The following MGA variants were observed in gnomAD, a reference collection of about 807,000 sequenced individuals.
The protein encoded by MGA is MAX dimerization protein MGA.
MGA carries 40 observed loss-of-function variants against 261.1 expected under a neutral mutation model. That is an observed-to-expected ratio of 0.15 (90% CI 0.12 to 0.20). MGA has a LOEUF of 0.20. Among genes scored for constraint, MGA ranks in the 10% least tolerant of loss-of-function variants. MGA has a pLI of 1.00. For missense variants in MGA, 3,397 were observed against 3,630.5 expected (o/e 0.94, Z 1.65); for synonymous variants, 1,302 against 1,290.6 (o/e 1.01, Z -0.19).
intron 2 of MGA, among the ~76,000 whole-genome samples, chr15:41,677,879 G>T (rs1326784367): frequency 6.6e-6 from 1 of 151,938 alleles, no homozygotes; most frequent in African/African-American, 2.4e-5. Flanking sequence ...TCTGTGGGTT[G>T]TCTTTTCATT....
chr15:41,705,718 A>C (rs191221233), intron 5 of MGA, among the ~76,000 whole-genome samples: 2 of 152,320 alleles, frequency 1.3e-5, no homozygotes, highest in Admixed American at 1.3e-4. Flanking sequence ...AGTGCAGTAG[A>C]TTCTCAAAGC....
chr15:41,720,630 G>C (rs1375327816), intron 9 of MGA, among the ~76,000 whole-genome samples: 2 of 152,000 alleles, frequency 1.3e-5, no homozygotes, highest in Non-Finnish European at 2.9e-5. Flanking sequence ...TCAGGAGTTC[G>C]AAACCAGCCT....
intron 20 of MGA, 126 bp downstream of exon 20, chr15:41,760,655 A>G: frequency 3.4e-6 from 3 of 876,400 alleles, no homozygotes; most frequent in Admixed American, 4.8e-5. Flanking sequence ...ACAGATGAAT[A>G]TGGACTAGTG....
At position 41,711,073 on chromosome 15, in the gene MGA, T is replaced by C. The variant is rs771789644; in HGVS notation, c.2808T>C (p.Asp936=). 3 of 1,613,940 alleles carry C rather than the reference T, an allele frequency of 1.9e-6. No individual in the cohort carries two copies. Among genetic ancestry groups the C allele is most frequent in the African/African-American group, 1.3e-5 (1 of 74,942 alleles). ...AATACTCTCATGTGATTCTAGGAGA[T>C]AAGGTTACCAAGAATTCTTCAGGCA... Residue 936 remains aspartate (D), a synonymous_variant, in exon 8 of 24, where the codon GAT becomes GAC. Transcript: ENST00000219905.
intron 1 of MGA, among the ~76,000 whole-genome samples, chr15:41,627,470 A>T (rs755956504): frequency 2.0e-5 from 3 of 152,118 alleles, no homozygotes; most frequent in Non-Finnish European, 4.4e-5. Context: ...TGCTTTTTTC[A>T]TCATTAGACT....
chr15:41,751,665 A>T (rs569779754), intron 17 of MGA: 1 of 152,808 alleles, frequency 6.5e-6, no homozygotes, highest in Admixed American at 6.5e-5. Context: ...CTGAGGTTGC[A>T]GTGAGCCCAG....
intron 2 of MGA, among the ~76,000 whole-genome samples, chr15:41,670,592 G>A (rs1191448699): frequency 2.0e-5 from 3 of 152,072 alleles, no homozygotes; most frequent in Non-Finnish European, 4.4e-5. Context: ...TGCAAGCTCC[G>A]CCTCCTGGGT....
chr15:41,659,291 G>C (rs2057281305), upstream of MGA, among the ~76,000 whole-genome samples: 2 of 152,210 alleles, frequency 1.3e-5, no homozygotes, highest in South Asian at 4.1e-4. Flanking sequence ...AAGTAGGTCA[G>C]ATCAGTAGTG....
intron 2 of MGA, among the ~76,000 whole-genome samples, chr15:41,685,600 G>T (rs1348189571): frequency 1.3e-5 from 2 of 152,096 alleles, no homozygotes; most frequent in Admixed American, 1.3e-4. Flanking sequence ...TTTAGATCTT[G>T]TTTAGTTTAT....
chr15:41,759,705 C>A (rs915956318), intron 19 of MGA, among the ~76,000 whole-genome samples: 1 of 151,948 alleles, frequency 6.6e-6, no homozygotes, highest in Non-Finnish European at 1.5e-5. Context: ...GAAGGACTTT[C>A]CTGAAAAAGT....
rs1454971437 is a variant in MGA at position 41,706,093 on chromosome 15, C to T, written c.2189-1635C>T. ...CTCTACTAAAAATACAAAAATTAGC[C>T]GGGCCTGGTGGCACACGCCTGTAAT... On this transcript the variant is annotated intron_variant, in intron 5 of 23. Coordinates refer to ENST00000219905, the MANE Select transcript of MGA (RefSeq NM_001164273.2). Among the ~76,000 whole-genome samples the T allele has an allele frequency of 5.3e-5, 8 of 151,862 alleles. No homozygotes were observed. In the South Asian group the frequency reaches 6.2e-4, roughly 12 times the overall value.
At chr15:41,723,557 A>G (rs2061068926) in intron 9 of MGA, among the ~76,000 whole-genome samples, 1 of 152,144 alleles carries the variant, frequency 6.6e-6, no homozygotes, top group African/African-American at 2.4e-5. Context: ...CTAGGACTAC[A>G]GGTACATGCC....
chr15:41,656,783 A>C (rs2057210304), upstream of MGA, among the ~76,000 whole-genome samples: 1 of 151,960 alleles, frequency 6.6e-6, no homozygotes, highest in Non-Finnish European at 1.5e-5. Context: ...TTCTTTCTTT[A>C]AGAGACAGGG....
At chr15:41,647,972 A>G (rs1031838438) in intron 1 of MGA, among the ~76,000 whole-genome samples, 1 of 152,182 alleles carries the variant, frequency 6.6e-6, no homozygotes, top group African/African-American at 2.4e-5. Flanking sequence ...AGCAGATATT[A>G]AGATGTTCCT....
chr15:41,739,014 C>T (rs145067776), intron 13 of MGA, among the ~76,000 whole-genome samples: 41 of 152,160 alleles, frequency 2.7e-4, no homozygotes, highest in African/African-American at 8.4e-4. Context: ...CCCCAACCCC[C>T]GATTTTGAAA....
intron 14 of MGA, 65 bp from the exon 15 acceptor site, chr15:41,742,481 C>T (rs2062173619): frequency 6.4e-7 from 1 of 1,554,712 alleles, no homozygotes. Context: ...TGTCGGTAAG[C>T]ACAGTCACTA....
At chr15:41,723,996 T>A (rs1198098806) in intron 9 of MGA, among the ~76,000 whole-genome samples, 1 of 151,994 alleles carries the variant, frequency 6.6e-6, no homozygotes, top group Non-Finnish European at 1.5e-5. Flanking sequence ...CTGTACTGTG[T>A]ATTTTGTAGC....
At position 41,766,812 on chromosome 15, in the gene MGA, T is replaced by C; in HGVS notation, c.8730T>C (p.Ser2910=). 6.2e-7 allele frequency: 1 copy of C among 1,614,034 alleles called. No homozygotes were observed. The highest frequency in any genetic ancestry group is 1.7e-5 in the Admixed American group (1 of 60,026). The change falls in exon 24 of 24, where the codon TCT becomes TCC. Residue 2910 remains serine (S), a synonymous_variant. Transcript: ENST00000219905. ...TGCACTTGGAAGACGATGACTTTTC[T>C]GAGAATGAAAAACAACTTGCAGAAC... is the stretch of plus-strand genomic sequence containing the variant.
At position 41,728,605 on chromosome 15, in the gene MGA, A is replaced by G. The variant is rs563922723; in HGVS notation, c.3658-559A>G. Among the ~76,000 whole-genome samples the G allele has an allele frequency of 9.8e-5, 15 of 152,334 alleles. No individual in the cohort carries two copies. The South Asian group carries it at 3.1e-3, about 32-fold the overall frequency. On this transcript the variant is annotated intron_variant, in intron 10 of 23. Coordinates refer to ENST00000219905, the MANE Select transcript of MGA (RefSeq NM_001164273.2). ...TGTTGTTACTATTCATTAGTGGATC[A>G]TCATAAAGGTCTTCATACTATCTTC...
Sources: gnomAD v4.1 joint callset for allele counts (sites outside exome capture counted in the v4.1 genomes callset) on GRCh38, gnomAD v4.1.1 for gene constraint, MANE v1.5 for transcripts, NCBI Gene and HGNC (gene_info 2026-07-23, HGNC 2026-07-21) for gene names.